The following DPP10 variants were observed in gnomAD, a reference collection of about 807,000 sequenced individuals.
The protein encoded by DPP10 is dipeptidyl peptidase like 10, also known as inactive dipeptidyl peptidase 10.
Under a neutral mutation model 120.9 loss-of-function variants are expected in DPP10, and 33 were observed. The ratio of observed to expected loss-of-function variants is 0.27; its 90% confidence interval spans 0.21 to 0.37. DPP10 has a LOEUF of 0.37. Ranked by LOEUF, DPP10 falls within the 10% of genes least tolerant of loss-of-function variation. The pLI, the probability that DPP10 is intolerant of heterozygous loss-of-function variation, is 1.00. For synonymous variants in DPP10, 337 were observed against 326.1 expected (o/e 1.03, Z -0.36); for missense variants, 816 against 942.8 (o/e 0.87, Z 1.76).
chr2:115,751,342 A>G (rs553040342), intron 10 of DPP10, among the ~76,000 whole-genome samples: 2 of 152,208 alleles, frequency 1.3e-5, no homozygotes, highest in Admixed American at 6.5e-5. Flanking sequence ...GTGAAAGTGA[A>G]CAGGACACTG....
At chr2:115,298,879 A>G (rs749545402) in intron 1 of DPP10, among the ~76,000 whole-genome samples, 2 of 152,042 alleles carry the variant, frequency 1.3e-5, no homozygotes, top group Non-Finnish European at 2.9e-5. Flanking sequence ...AAGAAACTCA[A>G]TTTTGAAAAA....
At chr2:114,494,113 A>AC (rs1388051484) in intron 1 of DPP10, among the ~76,000 whole-genome samples, 5 of 143,844 alleles carry the variant, frequency 3.5e-5, no homozygotes, top group Admixed American at 7.2e-5. Flanking sequence ...AAAAAAAAAA[A>AC]AAAAAAAACC....
rs557450557 is a variant in DPP10 at position 115,159,709 on chromosome 2, T to C, written c.61-149530T>C. On this transcript the variant is annotated intron_variant, in intron 1 of 25. Coordinates refer to ENST00000410059, the MANE Select transcript of DPP10 (RefSeq NM_020868.6). The stretch of plus-strand genomic sequence containing the variant: ...ATACTTAAATCAAAGAAGCATTTTA[T>C]AAATAAAAAAATTCACGCACACATA... 4.6e-5 allele frequency among the ~76,000 whole-genome samples: 7 copies of C among 152,226 alleles called. No homozygotes were observed. The South Asian group carries it at 1.4e-3, about 32-fold the overall frequency.
At chr2:115,414,038 C>G (rs2069166813) in intron 3 of DPP10, among the ~76,000 whole-genome samples, 1 of 152,066 alleles carries the variant, frequency 6.6e-6, no homozygotes, top group Non-Finnish European at 1.5e-5. Flanking sequence ...GCCTTTAATT[C>G]TGAGGAAGAG....
At chr2:114,974,970 C>T (rs1699653362) in intron 1 of DPP10, among the ~76,000 whole-genome samples, 2 of 151,072 alleles carry the variant, frequency 1.3e-5, no homozygotes, top group South Asian at 4.2e-4. Context: ...GTTAAAAACT[C>T]TTGTAGAATT....
intron 3 of DPP10, among the ~76,000 whole-genome samples, chr2:115,413,424 T>C (rs945329796): frequency 6.6e-6 from 1 of 152,068 alleles, no homozygotes; most frequent in Non-Finnish European, 1.5e-5. Context: ...TGGCAGCCGC[T>C]CCACAGTAGT....
In DPP10 at chr2:115,814,883, A is replaced by C. The variant is rs1466113008; in HGVS notation, c.1791A>C (p.Ala597=). The change falls in exon 20 of 26, where the codon GCA becomes GCC. Residue 597 remains alanine, a synonymous_variant. Coordinates refer to ENST00000410059, the MANE Select transcript of DPP10 (RefSeq NM_020868.6). ...TTGACATGGATAATGTCATTGTAGC[A>C]AGATTTGATGGCAGAGGAAGTGGAT... ...VLIDMDNVIV[A]RFDGRGSGFQ... is the part of the protein sequence containing the mutation. The C allele has an allele frequency of 1.9e-6, 3 of 1,611,518 alleles. No homozygotes were observed. In the South Asian group the frequency reaches 3.3e-5, roughly 18 times the overall value.
chr2:115,587,985 A>G (rs1440077871), intron 5 of DPP10, among the ~76,000 whole-genome samples: 1 of 152,200 alleles, frequency 6.6e-6, no homozygotes, highest in East Asian at 1.9e-4. Flanking sequence ...TATTTATTGT[A>G]GTTGGTCATA....
At chr2:115,781,071 T>G in intron 16 of DPP10, 76 bp downstream of exon 16, 1 of 1,214,030 alleles carries the variant, frequency 8.2e-7, no homozygotes, top group Non-Finnish European at 1.1e-6. Context: ...TATCAGCAAC[T>G]ATTACTCTAG....
At chr2:114,479,863 T>C (rs1298426686) in intron 1 of DPP10, among the ~76,000 whole-genome samples, 2 of 151,918 alleles carry the variant, frequency 1.3e-5, no homozygotes, top group Admixed American at 6.6e-5. Flanking sequence ...AATTGACAAA[T>C]GGGATCTAAT....
At chr2:114,856,879 CA>C (rs992357744) in intron 1 of DPP10, among the ~76,000 whole-genome samples, 6 of 152,132 alleles carry the variant, frequency 3.9e-5, no homozygotes, top group Non-Finnish European at 8.8e-5. Context: ...TGGACAATGA[CA>C]ATGATTACAG....
At chr2:115,290,905 G>A (rs1291270838) in intron 1 of DPP10, among the ~76,000 whole-genome samples, 3 of 152,080 alleles carry the variant, frequency 2.0e-5, no homozygotes, top group Non-Finnish European at 4.4e-5. Context: ...CAGTCTCTGA[G>A]GCAAGGTAAT....
intron 5 of DPP10, among the ~76,000 whole-genome samples, chr2:115,683,674 T>A (rs1328139505): frequency 1.3e-5 from 2 of 151,858 alleles, no homozygotes; most frequent in Non-Finnish European, 2.9e-5. Context: ...TGTCTATTTT[T>A]AAAACATAAA....
chr2:114,874,742 T>C (rs924883357), intron 1 of DPP10, among the ~76,000 whole-genome samples: 1 of 152,122 alleles, frequency 6.6e-6, no homozygotes, highest in Non-Finnish European at 1.5e-5. Flanking sequence ...CAGTCCCTGG[T>C]GCCAAAAAGG....
intron 5 of DPP10, among the ~76,000 whole-genome samples, chr2:115,597,551 A>G (rs1201296228): frequency 6.7e-6 from 1 of 149,958 alleles, no homozygotes; most frequent in Non-Finnish European, 1.5e-5. Flanking sequence ...ACACACATTT[A>G]TATACATTAT....
At chr2:115,246,961 C>T (rs902958971) in intron 1 of DPP10, among the ~76,000 whole-genome samples, 7 of 152,076 alleles carry the variant, frequency 4.6e-5, no homozygotes, top group East Asian at 3.9e-4. Context: ...GAGAAGTGCA[C>T]GAGAAAACCT....
At chr2:114,881,744 A>G (rs1366288666) in intron 1 of DPP10, among the ~76,000 whole-genome samples, 1 of 152,160 alleles carries the variant, frequency 6.6e-6, no homozygotes, top group African/African-American at 2.4e-5. Context: ...TATAGAGATC[A>G]TGAAACAAGT....
At chr2:115,704,230 AC>A (rs2092006551) in intron 7 of DPP10, among the ~76,000 whole-genome samples, 2 of 151,690 alleles carry the variant, frequency 1.3e-5, no homozygotes, top group African/African-American at 4.8e-5. Flanking sequence ...CTCTTGGTAG[AC>A]CTAGCCATTT....
At chr2:114,965,885 G>T (rs1236765706) in intron 1 of DPP10, among the ~76,000 whole-genome samples, 1 of 135,224 alleles carries the variant, frequency 7.4e-6, no homozygotes, top group Non-Finnish European at 1.5e-5. Context: ...AGAATGGCAT[G>T]AACCCGGGAG....
Sources: allele counts gnomAD v4.1 joint callset (sites outside exome capture counted in the v4.1 genomes callset), GRCh38; gene constraint gnomAD v4.1.1; transcripts MANE v1.5; gene names NCBI Gene and HGNC (gene_info 2026-07-23, HGNC 2026-07-21).